The following SYS1 variants were observed in gnomAD, a reference collection of about 807,000 sequenced individuals.
The protein encoded by SYS1 is SYS1 golgi trafficking protein.
A neutral mutation model predicts 17.8 loss-of-function variants in SYS1; 8 were observed. The ratio of observed to expected loss-of-function variants is 0.45; its 90% CI spans 0.26 to 0.81. SYS1 has a LOEUF of 0.81. Among genes scored for constraint, SYS1 ranks in the 40% least tolerant of loss-of-function variants. The probability of loss-of-function intolerance (pLI) is 0.16; values close to 1 mark genes in which losing one functional copy is unlikely to be tolerated. For synonymous variants in SYS1, 95 were observed against 90.9 expected (o/e 1.05, Z -0.26); for missense variants, 161 against 203.9 (o/e 0.79, Z 1.28).
chr20:45,373,996 T>A (rs762547351), downstream of SYS1: 1 of 1,614,016 alleles, frequency 6.2e-7, no homozygotes, highest in South Asian at 1.1e-5. Flanking sequence ...CTGGCTCTCG[T>A]CCAGGTCACA....
Position 45,368,517 on chromosome 20 carries a change from G to A in SYS1, c.*1402G>A. ...AATGAGTTTATGGTAACACAAATGA[G>A]TTTTGCTATCTCTCTGAGAAGCTCA... is the stretch of plus-strand genomic sequence containing the variant. On this transcript the variant is annotated 3_prime_UTR_variant, in exon 4 of 4. Transcript: ENST00000243918. 1 of 985,404 alleles carries A rather than the reference G, an allele frequency of 1.0e-6. No homozygotes were observed. The highest frequency in any genetic ancestry group is 1.2e-6 in the Non-Finnish European group (1 of 829,936). The allele number at this position is 985,404 out of a possible 1,614,324, so 61.0% of individuals were successfully genotyped here. A position where few individuals can be genotyped will look rare whatever the true frequency, so the allele number is the denominator to read the frequency against.
intron 2 of SYS1, among the ~76,000 whole-genome samples, chr20:45,364,465 CTTTTTT>C (rs386393831): frequency 1.2e-5 from 1 of 80,130 alleles, no homozygotes; most frequent in Non-Finnish European, 2.2e-5. Flanking sequence ...GAGCACAGTT[CTTTTTT>C]TTTTTTTTTT....
At position 45,367,871 on chromosome 20, in the gene SYS1, G is replaced by GGAAT. The variant is rs1377797877; in HGVS notation, c.*759_*762dup. 1.0e-6 allele frequency: 1 copy of GGAAT among 985,722 alleles called. No individual in the cohort carries two copies. Among genetic ancestry groups the GGAAT allele is most frequent in the African/African-American group, 1.7e-5 (1 of 57,220 alleles). 61.1% of individuals were successfully genotyped at this position (985,722 alleles called of 1,614,324 possible). A position where few individuals can be genotyped will look rare whatever the true frequency, so the allele number is the denominator to read the frequency against. ...TCATAAAGACACTGCCTGTCTTCTA[G>GGAAT]GAATGACCAGGCACCCAGCTCCCAC... On this transcript the variant is annotated 3_prime_UTR_variant, in exon 4 of 4. Coordinates refer to ENST00000243918, the MANE Select transcript of SYS1 (RefSeq NM_033542.4).
chr20:45,375,869 G>T (rs538954342), exon 4 of SYS1: 1 of 302,600 alleles, frequency 3.3e-6, no homozygotes, highest in Non-Finnish European at 6.1e-6. Flanking sequence ...CAGTCCAGTA[G>T]TTTTTCTAAA....
intron 2 of SYS1, 29 bp from the exon 3 acceptor site, chr20:45,365,590 G>C: frequency 6.2e-7 from 1 of 1,611,772 alleles, no homozygotes; most frequent in East Asian, 2.2e-5. Context: ...CACTTCTCCA[G>C]TATATTTCCA....
Position 45,368,894 on chromosome 20 carries a change from C to G in SYS1, c.*1779C>G. 2 of 984,888 alleles carry G rather than the reference C, an allele frequency of 2.0e-6. No individual in the cohort carries two copies. Among genetic ancestry groups the G allele is most frequent in the Non-Finnish European group, 2.4e-6 (2 of 829,430 alleles). 61.0% of individuals were successfully genotyped at this position (984,888 alleles called of 1,614,324 possible). ...GTGGTTACTCCATCTGTGGTTGGAG[C>G]GCCTCTTTGGGATTCACTTCAAGGT... is the stretch of plus-strand genomic sequence containing the variant. On this transcript the variant is annotated 3_prime_UTR_variant, in exon 4 of 4. Transcript: ENST00000243918.
In SYS1 at chr20:45,366,990, G is replaced by A. The variant is rs758374659; in HGVS notation, c.346G>A (p.Ala116Thr). 6.2e-7 allele frequency: 1 copy of A among 1,614,158 alleles called. No homozygotes were observed. The highest frequency in any genetic ancestry group is 1.3e-5 in the African/African-American group (1 of 75,022). ...GTTCTACAGCTCCCGTTTCCCCTCGGCGCTGACCTGGTGGCTGGTCCAAGC... is the reference window on the plus strand; with the variant it reads ...GTTCTACAGCTCCCGTTTCCCCTCGACGCTGACCTGGTGGCTGGTCCAAGC... ...CWFYSSRFPSALTWWLVQAVC... is the reference protein window; with the variant it reads ...CWFYSSRFPSTLTWWLVQAVC... The change falls in exon 4 of 4, where the codon GCG (alanine) becomes ACG (threonine). Residue 116 changes from alanine (A) to threonine (T), a missense_variant. Coordinates refer to ENST00000243918, the MANE Select transcript of SYS1 (RefSeq NM_033542.4).
At chr20:45,370,148 C>G (rs148214354), downstream of SYS1, among the ~76,000 whole-genome samples, 217 of 151,992 alleles carry the variant, frequency 1.4e-3, no homozygotes, top group African/African-American at 5.0e-3. Flanking sequence ...TGGTCTCGAA[C>G]TCTTGGCCTC....
Position 45,363,158 on chromosome 20 carries a change from T to C in SYS1, c.-161T>C, listed in dbSNP as rs1301912642. 2.9e-6 allele frequency: 3 copies of C among 1,031,826 alleles called. No homozygotes were observed. The highest frequency in any genetic ancestry group is 5.3e-5 in the Admixed American group (1 of 18,894). 63.9% of individuals were successfully genotyped at this position (1,031,826 alleles called of 1,614,324 possible). The stretch of plus-strand genomic sequence containing the variant: ...CGCTGCTTTCCCCGGAAACGTTTCT[T>C]TCCTACGCAGCCGCTCCTGCCGCCG... On this transcript the variant is annotated 5_prime_UTR_variant, in exon 1 of 4. Coordinates refer to ENST00000243918, the MANE Select transcript of SYS1 (RefSeq NM_033542.4).
upstream of SYS1, among the ~76,000 whole-genome samples, chr20:45,362,347 TTTTATTTATTTATTTATTTA>T (rs56348135): frequency 2.0e-5 from 3 of 149,424 alleles, no homozygotes; most frequent in Admixed American, 1.3e-4. Flanking sequence ...AACACTTGAA[TTTTATTTATTTATTTATTTA>T]TTTATTTATT....
Position 45,365,183 on chromosome 20 carries a change from T to C in SYS1, c.163-436T>C, listed in dbSNP as rs149189244. ...AGGGTGAAGTAGTAAGGATTTTAGG[T>C]CACAATTATTCAGCTCTGCCATTGT... On this transcript the variant is annotated intron_variant, in intron 2 of 3. Transcript: ENST00000243918. 21 of 288,002 alleles carry C rather than the reference T, an allele frequency of 7.3e-5. No homozygotes were observed. In the East Asian group the frequency reaches 1.8e-3, roughly 25 times the overall value. 17.8% of individuals were successfully genotyped at this position (288,002 alleles called of 1,614,324 possible). A position where few individuals can be genotyped will look rare whatever the true frequency, so the allele number is the denominator to read the frequency against.
In SYS1 at chr20:45,368,062, G is replaced by C. The variant is rs939550386; in HGVS notation, c.*947G>C. On this transcript the variant is annotated 3_prime_UTR_variant, in exon 4 of 4. Transcript: ENST00000243918. The stretch of plus-strand genomic sequence containing the variant: ...TTTTCTTTGGGGTGGAGTTTCCTCT[G>C]TGAGGGGCTTGCAGCTATCCTTCCT... The C allele has an allele frequency of 1.0e-6, 1 of 985,422 alleles. No homozygotes were observed. Among genetic ancestry groups the C allele is most frequent in the Admixed American group, 6.1e-5 (1 of 16,268 alleles). The allele number at this position is 985,422 out of a possible 1,614,324, so 61.0% of individuals were successfully genotyped here.
At chr20:45,363,149 A>C, upstream of SYS1, 3 of 1,021,188 alleles carry the variant, frequency 2.9e-6, no homozygotes, top group Non-Finnish European at 3.5e-6. Flanking sequence ...TTTCCCCGGA[A>C]ACGTTTCTTT....
exon 4 of SYS1, chr20:45,374,882 C>A (rs1988674504): frequency 3.0e-6 from 3 of 1,004,882 alleles, no homozygotes; most frequent in African/African-American, 3.2e-5. Context: ...TGGTCTAAGG[C>A]TTCCCCCTCT....
chr20:45,375,269 C>CGGTG, exon 4 of SYS1: 1 of 1,614,154 alleles, frequency 6.2e-7, no homozygotes, highest in Non-Finnish European at 8.5e-7. Flanking sequence ...CGGGGGCCCT[C>CGGTG]GGTGAGTGGT....
chr20:45,364,628 C>G (rs1053345650), intron 2 of SYS1, among the ~76,000 whole-genome samples: 2 of 151,772 alleles, frequency 1.3e-5, no homozygotes, highest in Admixed American at 6.6e-5. Context: ...CCCGCCACTA[C>G]GCCCGGCTAA....
At chr20:45,374,186 T>A, downstream of SYS1, 1 of 673,372 alleles carries the variant, frequency 1.5e-6, no homozygotes, top group Non-Finnish European at 2.7e-6. Flanking sequence ...CCCCCTTCCT[T>A]TCGTGGGACT....
chr20:45,370,157 T>C (rs565493509), downstream of SYS1, among the ~76,000 whole-genome samples: 1 of 149,172 alleles, frequency 6.7e-6, no homozygotes, highest in Admixed American at 6.7e-5. Flanking sequence ...ACTCTTGGCC[T>C]CTCAAGTGAT....
intron 2 of SYS1, among the ~76,000 whole-genome samples, chr20:45,364,133 C>A (rs1477116877): frequency 6.6e-6 from 1 of 152,212 alleles, no homozygotes; most frequent in Non-Finnish European, 1.5e-5. Flanking sequence ...AATGTCACCT[C>A]TGTGAACTTG....
Sources: gnomAD v4.1 joint callset for allele counts (sites outside exome capture counted in the v4.1 genomes callset) on GRCh38, gnomAD v4.1.1 for gene constraint, MANE v1.5 for transcripts, NCBI Gene and HGNC (gene_info 2026-07-23, HGNC 2026-07-21) for gene names.